Variants in TBC1D2B observed in about 807,000 individuals in gnomAD.
TBC1D2B encodes the protein TBC1 domain family, member 2B.
A neutral mutation model predicts 100.8 loss-of-function variants in TBC1D2B; 64 were observed. The observed-to-expected ratio is 0.64, with a 90% CI of 0.52 to 0.78. TBC1D2B has a LOEUF of 0.78. TBC1D2B is among the 30% of genes least tolerant of loss of function. The probability of loss-of-function intolerance (pLI) is 0.00; values close to 1 mark genes in which losing one functional copy is unlikely to be tolerated. For missense variants in TBC1D2B, 1,052 were observed against 1,218.4 expected (o/e 0.86, Z 2.03); for synonymous variants, 480 against 479.7 (o/e 1.00, Z -0.01).
rs190910681 is a variant in TBC1D2B at position 78,057,372 on chromosome 15, C to T, written c.361-3185G>A. 2.7e-4 allele frequency among the ~76,000 whole-genome samples: 41 copies of T among 152,094 alleles called. No individual in the cohort carries two copies. The East Asian group carries it at 7.1e-3, about 27-fold the overall frequency. ...AAAAAACCTAAACAGGCTGCTATGG[C>T]GGCTCACACCTGTAATCTCAGCACT... On this transcript the variant is annotated intron_variant, in intron 1 of 12. Transcript: ENST00000300584.
intron 12 of TBC1D2B, chr15:77,999,100 A>C: frequency 3.0e-6 from 1 of 332,362 alleles, no homozygotes; most frequent in Non-Finnish European, 6.1e-6. Context: ...TGGGGATCAC[A>C]AAATAGGCCA....
chr15:78,037,835 A>G (rs1039524010), intron 3 of TBC1D2B, among the ~76,000 whole-genome samples: 3 of 152,210 alleles, frequency 2.0e-5, no homozygotes, highest in African/African-American at 7.2e-5. Context: ...TTTTTCTTTC[A>G]GTTTTATTTA....
chr15:78,028,910 A>C (rs2072738301), intron 4 of TBC1D2B, among the ~76,000 whole-genome samples: 1 of 152,240 alleles, frequency 6.6e-6, no homozygotes, highest in East Asian at 1.9e-4. Flanking sequence ...AGACCTAAGA[A>C]GACATCAATT....
In TBC1D2B at chr15:78,054,332, T is replaced by G. The variant is rs1596326283; in HGVS notation, c.361-145A>C. 7.5e-6 allele frequency: 6 copies of G among 804,194 alleles called. No individual in the cohort carries two copies. The East Asian group carries it at 1.9e-4, about 25-fold the overall frequency. The allele number at this position is 804,194 out of a possible 1,614,324, so 49.8% of individuals were successfully genotyped here. Reference sequence around the variant, plus strand: ...AAGGAAACTTCAGTTACAAGATTAGTAGCTTTTGCTCATGATGAGTTGGTC... The same window carrying G: ...AAGGAAACTTCAGTTACAAGATTAGGAGCTTTTGCTCATGATGAGTTGGTC... On this transcript the variant is annotated intron_variant, in intron 1 of 12. Transcript: ENST00000300584.
intron 1 of TBC1D2B, among the ~76,000 whole-genome samples, chr15:78,076,271 C>T (rs1461817574): frequency 2.0e-5 from 3 of 152,274 alleles, no homozygotes; most frequent in Admixed American, 2.0e-4. Flanking sequence ...TTAAGGGAGC[C>T]TCAAAGGAGC....
intron 2 of TBC1D2B, among the ~76,000 whole-genome samples, chr15:78,049,504 T>C (rs1175211790): frequency 6.6e-6 from 1 of 152,176 alleles, no homozygotes; most frequent in Non-Finnish European, 1.5e-5. Flanking sequence ...TCCTGCCACC[T>C]TGCCTCTGAC....
At chr15:78,015,486 A>G (rs2072348292) in intron 8 of TBC1D2B, among the ~76,000 whole-genome samples, 1 of 152,228 alleles carries the variant, frequency 6.6e-6, no homozygotes, top group Non-Finnish European at 1.5e-5. Flanking sequence ...ACGCTTTTGC[A>G]TGGGAAGAAC....
At chr15:78,003,831 A>G (rs555749079) in intron 10 of TBC1D2B, among the ~76,000 whole-genome samples, 9 of 152,314 alleles carry the variant, frequency 5.9e-5, no homozygotes, top group African/African-American at 2.2e-4. Flanking sequence ...TTGCCAATCC[A>G]CAAGTAAATA....
chr15:78,052,512 A>C (rs1047098481), intron 2 of TBC1D2B, among the ~76,000 whole-genome samples: 13 of 152,226 alleles, frequency 8.5e-5, no homozygotes, highest in African/African-American at 3.1e-4. Flanking sequence ...AAGGAGGAGA[A>C]ACAAATATGG....
rs146485983 is a variant in TBC1D2B at position 78,044,335 on chromosome 15, G to A, written c.683+565C>T. ...AAGTCAACCATAGTGGCACATGCCTGTAGTCCCAACTACTCAAGAGGCTGA... is the reference window on the plus strand; with the variant it reads ...AAGTCAACCATAGTGGCACATGCCTATAGTCCCAACTACTCAAGAGGCTGA... On this transcript the variant is annotated intron_variant, in intron 3 of 12. Transcript: ENST00000300584. 1.2e-4 allele frequency among the ~76,000 whole-genome samples: 19 copies of A among 152,284 alleles called. No individual in the cohort carries two copies. The East Asian group carries it at 2.5e-3, about 20-fold the overall frequency.
rs758165409 is a variant in TBC1D2B, at chr15:78,012,981, G to T, written c.2112C>A (p.Asn704Lys). The T allele has an allele frequency of 1.9e-6, 3 of 1,595,094 alleles. No homozygotes were observed. Among genetic ancestry groups the T allele is most frequent in the Non-Finnish European group, 2.6e-6 (3 of 1,166,912 alleles). Residue 704 changes from asparagine to lysine, a missense_variant, in exon 9 of 13, where the codon AAC becomes AAA. By Grantham distance (94) the Asn-to-Lys change is moderately conservative (BLOSUM62 0). Around this residue, in one of 4 missense-constraint regions of TBC1D2B, gnomAD observed 373 missense variants for 464.9 expected, o/e 0.80. Coordinates refer to ENST00000300584, the MANE Select transcript of TBC1D2B (RefSeq NM_144572.2). ...TLLQKALEKQ[N>K]PASKQIELDL... ...CCAGCTCAATCTGCTTGGAGGCTGG[G>T]TTCTGTTTCTCCAGCGCCTTCTGCA...
At position 78,069,342 on chromosome 15, in the gene TBC1D2B, C is replaced by T. The variant is rs938664573; in HGVS notation, c.360+7951G>A. 2.6e-4 allele frequency among the ~76,000 whole-genome samples: 39 copies of T among 151,836 alleles called. 1 individual carries two copies. Among genetic ancestry groups the T allele is most frequent in the African/African-American group, 8.9e-4 (37 of 41,352 alleles). On this transcript the variant is annotated intron_variant, in intron 1 of 12. Coordinates refer to ENST00000300584, the MANE Select transcript of TBC1D2B (RefSeq NM_144572.2). ...CTAGCCACACACACACCTGCCAAAG[C>T]GAGCTTCACCCATCACAACACCCAC... is the stretch of plus-strand genomic sequence containing the variant.
intron 1 of TBC1D2B, 54 bp downstream of exon 1, chr15:78,077,239 A>T (rs559081118): frequency 2.1e-6 from 3 of 1,404,656 alleles, no homozygotes; most frequent in Admixed American, 3.2e-5. Context: ...CCAGTGGCGG[A>T]GGCAGGGGAC....
chr15:78,075,288 T>C (rs2073811130), intron 1 of TBC1D2B, among the ~76,000 whole-genome samples: 1 of 152,028 alleles, frequency 6.6e-6, no homozygotes, highest in Non-Finnish European at 1.5e-5. Context: ...AAGCTCTTCC[T>C]CCCGGGTTCA....
At chr15:78,023,102 G>A (rs1385832852) in intron 6 of TBC1D2B, among the ~76,000 whole-genome samples, 4 of 152,080 alleles carry the variant, frequency 2.6e-5, no homozygotes, top group Non-Finnish European at 5.9e-5. Context: ...TCAATGCATC[G>A]CCTGAAAGGT....
In TBC1D2B at chr15:78,009,031, C is replaced by T. The variant is rs1254145703; in HGVS notation, c.2354G>A (p.Arg785Gln). Reference sequence around the variant, plus strand: ...TAAAAGAGTCTTTGTATAATAGTCTCGAGGCATGAAAACTTCCACTATGGT... The same window carrying T: ...TAAAAGAGTCTTTGTATAATAGTCTTGAGGCATGAAAACTTCCACTATGGT... ...LVTIVEVFMP[R>Q]DYYTKTLLGS... Residue 785 changes from arginine (R) to glutamine (Q), a missense_variant, in exon 10 of 13, where the codon CGA becomes CAA. Physicochemically the swap from Arg to Gln is conservative, Grantham distance 43 (BLOSUM62 1). Around this residue, in one of 4 missense-constraint regions of TBC1D2B, gnomAD observed 373 missense variants for 464.9 expected, o/e 0.80. Transcript: ENST00000300584. 7 of 1,604,978 alleles carry T rather than the reference C, an allele frequency of 4.4e-6. No homozygotes were observed. The highest frequency in any genetic ancestry group is 1.7e-5 in the Admixed American group (1 of 58,730).
chr15:78,064,256 T>C (rs1305716188), intron 1 of TBC1D2B, among the ~76,000 whole-genome samples: 1 of 152,094 alleles, frequency 6.6e-6, no homozygotes, highest in Non-Finnish European at 1.5e-5. Context: ...TCCAACACGC[T>C]CTATGTGACG....
In TBC1D2B at chr15:78,062,755, CATATT is replaced by C. The variant is rs201692751; in HGVS notation, c.361-8573_361-8569del. ...TAGACTCTTCCATAATATATATTTG[CATATT>C]ATATTAGACACCATCAATTAAACAA... is the stretch of plus-strand genomic sequence containing the variant. On this transcript the variant is annotated intron_variant, in intron 1 of 12. Coordinates refer to ENST00000300584, the MANE Select transcript of TBC1D2B (RefSeq NM_144572.2). Among the ~76,000 whole-genome samples, 1,154 of 152,174 alleles carry C rather than the reference CATATT, an allele frequency of 7.6e-3. 21 individuals are homozygous for C. Among genetic ancestry groups the C allele is most frequent in the African/African-American group, 0.026 (1,087 of 41,510 alleles).
At chr15:78,033,466 G>A (rs1222237521) in intron 3 of TBC1D2B, among the ~76,000 whole-genome samples, 2 of 152,140 alleles carry the variant, frequency 1.3e-5, no homozygotes, top group Non-Finnish European at 2.9e-5. Flanking sequence ...CTATAGTGAC[G>A]GAAAGCGGAT....
Sources: allele counts gnomAD v4.1 joint callset (sites outside exome capture counted in the v4.1 genomes callset), GRCh38; gene constraint gnomAD v4.1.1; regional missense constraint gnomAD v4.1.1; transcripts MANE v1.5; gene names NCBI Gene and HGNC (gene_info 2026-07-23, HGNC 2026-07-21).